Variants in DIP2C observed in about 807,000 individuals in gnomAD.
DIP2C encodes the protein disco-interacting protein 2 homolog C.
A neutral mutation model predicts 192.4 loss-of-function variants in DIP2C; 33 were observed. That is an observed-to-expected ratio of 0.17 (90% CI 0.13 to 0.23). The LOEUF is 0.23. Among genes scored for constraint, DIP2C ranks in the 10% least tolerant of loss-of-function variants. The pLI, the probability that DIP2C is intolerant of heterozygous loss-of-function variation, is 1.00. For missense variants in DIP2C, 1,537 were observed against 2,110.1 expected (o/e 0.73, Z 5.32); for synonymous variants, 979 against 864.1 (o/e 1.13, Z -2.33).
chr10:545,156 G>A (rs1848212902), intron 1 of DIP2C, among the ~76,000 whole-genome samples: 1 of 128,702 alleles, frequency 7.8e-6, no homozygotes, highest in South Asian at 2.4e-4. Context: ...CAACATGACT[G>A]GTGTTTTCCC....
chr10:633,017 G>T (rs903744603), intron 1 of DIP2C, among the ~76,000 whole-genome samples: 1 of 152,256 alleles, frequency 6.6e-6, no homozygotes, highest in African/African-American at 2.4e-5. Flanking sequence ...CTCCTGGGCT[G>T]CTCCAGCCAC....
intron 3 of DIP2C, among the ~76,000 whole-genome samples, chr10:467,093 T>A (rs941538398): frequency 1.3e-5 from 2 of 151,958 alleles, no homozygotes; most frequent in African/African-American, 4.8e-5. Context: ...CGTATGTTTA[T>A]TGCGGCATTA....
At chr10:678,165 A>T (rs1830939046) in intron 1 of DIP2C, among the ~76,000 whole-genome samples, 1 of 152,178 alleles carries the variant, frequency 6.6e-6, no homozygotes, top group Non-Finnish European at 1.5e-5. Flanking sequence ...GAGTCCCTAC[A>T]GGTGGCTCTG....
chr10:575,317 C>G (rs1490408368), intron 1 of DIP2C, among the ~76,000 whole-genome samples: 2 of 152,134 alleles, frequency 1.3e-5, no homozygotes, highest in African/African-American at 2.4e-5. Flanking sequence ...GTAAAATTCT[C>G]ATTTGAGGAT....
intron 1 of DIP2C, among the ~76,000 whole-genome samples, chr10:524,603 C>G (rs7068385): frequency 0.24 from 36,953 of 152,090 alleles, 6,189 homozygotes; most frequent in African/African-American, 0.48. Context: ...AAATTCTATA[C>G]AAAGACATAA....
At chr10:607,917 C>CCCACA (rs1169993579) in intron 1 of DIP2C, among the ~76,000 whole-genome samples, 1 of 151,918 alleles carries the variant, frequency 6.6e-6, no homozygotes, top group African/African-American at 2.4e-5. Flanking sequence ...TCTGTAATAA[C>CCCACA]CCACACCACA....
chr10:437,608 T>C (rs750114115), intron 4 of DIP2C: 1 of 152,272 alleles, frequency 6.6e-6, no homozygotes, highest in Admixed American at 6.5e-5. Flanking sequence ...AAAACAGCCA[T>C]CTCATTCGTT....
intron 1 of DIP2C, among the ~76,000 whole-genome samples, chr10:613,996 G>T (rs559362891): frequency 6.6e-6 from 1 of 152,182 alleles, no homozygotes; most frequent in Non-Finnish European, 1.5e-5. Flanking sequence ...CAGGAAACCA[G>T]GCATTATCCT....
intron 32 of DIP2C, among the ~76,000 whole-genome samples, chr10:302,167 A>T (rs1368712098): frequency 6.6e-6 from 1 of 152,182 alleles, no homozygotes; most frequent in South Asian, 2.1e-4. Context: ...ATGTAAAGGT[A>T]TAACTGTATC....
chr10:501,317 TAAG>T (rs1845209312), intron 1 of DIP2C, among the ~76,000 whole-genome samples: 2 of 132,544 alleles, frequency 1.5e-5, no homozygotes, highest in South Asian at 2.3e-4. Flanking sequence ...TGGCAATAAT[TAAG>T]AATATACTTT....
rs1846001971 is a variant in DIP2C at position 511,387 on chromosome 10, TTC to T, written c.86-24859_86-24858del. Among the ~76,000 whole-genome samples the T allele has an allele frequency of 2.6e-5, 4 of 152,348 alleles. 1 individual carries two copies. In the South Asian group the frequency reaches 8.3e-4, roughly 32 times the overall value. The stretch of plus-strand genomic sequence containing the variant: ...GAGTTCCATGTCGTTAAAGGAAAAC[TTC>T]TGTTACCAGGCAACCTTAATATCAG... On this transcript the variant is annotated intron_variant, in intron 1 of 36. Transcript: ENST00000280886.
intron 3 of DIP2C, among the ~76,000 whole-genome samples, chr10:463,670 G>A (rs1435205364): frequency 6.6e-6 from 1 of 152,106 alleles, no homozygotes; most frequent in Non-Finnish European, 1.5e-5. Flanking sequence ...CCAAAAAACA[G>A]AGCCCACATA....
intron 1 of DIP2C, among the ~76,000 whole-genome samples, chr10:624,328 C>T (rs530800119): frequency 1.3e-5 from 2 of 152,310 alleles, no homozygotes; most frequent in South Asian, 2.1e-4. Context: ...GGGGCCCTCA[C>T]GCTGCAGGTG....
At chr10:297,753 C>T (rs764333984) in intron 32 of DIP2C, among the ~76,000 whole-genome samples, 8 of 152,158 alleles carry the variant, frequency 5.3e-5, no homozygotes, top group South Asian at 2.1e-4. Context: ...TCTGTACCAC[C>T]GCAGGATGAC....
At chr10:372,634 C>T (rs1350992184) in intron 17 of DIP2C, among the ~76,000 whole-genome samples, 1 of 152,210 alleles carries the variant, frequency 6.6e-6, no homozygotes, top group Non-Finnish European at 1.5e-5. Context: ...GGATTCTTTC[C>T]TTGCAGATGT....
intron 3 of DIP2C, among the ~76,000 whole-genome samples, chr10:441,543 CT>C (rs1284415499): frequency 6.6e-6 from 1 of 152,142 alleles, no homozygotes; most frequent in African/African-American, 2.4e-5. Flanking sequence ...TGGGGCCCAT[CT>C]TTCCCGTGCT....
intron 1 of DIP2C, among the ~76,000 whole-genome samples, chr10:671,015 G>C (rs142684537): frequency 6.6e-6 from 1 of 152,354 alleles, no homozygotes; most frequent in Non-Finnish European, 1.5e-5. Context: ...CTCCAGGAGA[G>C]GAAGCAGAGC....
intron 1 of DIP2C, among the ~76,000 whole-genome samples, chr10:543,198 A>G (rs1016510768): frequency 1.3e-5 from 2 of 152,230 alleles, no homozygotes; most frequent in African/African-American, 4.8e-5. Flanking sequence ...TGCGTTAGGA[A>G]TAACCGTCTC....
At chr10:446,402 T>A (rs561859122) in intron 3 of DIP2C, among the ~76,000 whole-genome samples, 3 of 151,938 alleles carry the variant, frequency 2.0e-5, no homozygotes, top group Middle Eastern at 3.2e-3. Flanking sequence ...AAGAGTCCCA[T>A]GGTCCACTGG....
Sources: allele counts gnomAD v4.1 joint callset (sites outside exome capture counted in the v4.1 genomes callset), GRCh38; gene constraint gnomAD v4.1.1; transcripts MANE v1.5; gene names NCBI Gene and HGNC (gene_info 2026-07-23, HGNC 2026-07-21).